The following PIGU variants were observed in gnomAD, a reference collection of about 807,000 sequenced individuals.
PIGU encodes GPI-anchor transamidase component PIGU.
A neutral mutation model predicts 49.9 loss-of-function variants in PIGU; 24 were observed. That is an observed-to-expected ratio of 0.48 (90% CI 0.35 to 0.68). The LOEUF (loss-of-function observed/expected upper bound fraction) is 0.68, where lower values mean the gene tolerates loss of function less well. PIGU is among the 30% of genes least tolerant of loss of function. The pLI is 0.01. For synonymous variants in PIGU, 220 were observed against 205.7 expected (o/e 1.07, Z -0.59); for missense variants, 490 against 532.6 (o/e 0.92, Z 0.79).
intron 10 of PIGU, chr20:34,579,134 A>G (rs1271783324): frequency 6.6e-6 from 1 of 152,226 alleles, no homozygotes; most frequent in African/African-American, 2.4e-5. Flanking sequence ...AATATATTTT[A>G]TCATGATTCT....
At chr20:34,640,669 G>A (rs1449829008) in intron 4 of PIGU, among the ~76,000 whole-genome samples, 2 of 152,330 alleles carry the variant, frequency 1.3e-5, no homozygotes, top group East Asian at 1.9e-4. Context: ...TAAAAGTGAT[G>A]TGAAGGGTAG....
At chr20:34,626,102 CTAAAG>C (rs1001137303) in intron 6 of PIGU, among the ~76,000 whole-genome samples, 33 of 151,902 alleles carry the variant, frequency 2.2e-4, no homozygotes, top group African/African-American at 4.6e-4. Context: ...CCACTCCTCT[CTAAAG>C]TATTTTCTAA....
At chr20:34,616,388 TAA>T (rs985193313) in intron 6 of PIGU, among the ~76,000 whole-genome samples, 34 of 152,184 alleles carry the variant, frequency 2.2e-4, no homozygotes, top group African/African-American at 7.5e-4. Context: ...ATAATTCTTA[TAA>T]AATTTTGAGA....
chr20:34,567,003 C>A (rs192898608), intron 11 of PIGU, among the ~76,000 whole-genome samples: 2 of 152,342 alleles, frequency 1.3e-5, no homozygotes, highest in Admixed American at 1.3e-4. Flanking sequence ...TTGTCCACCA[C>A]CAGGGCTGCA....
At chr20:34,660,961 A>G (rs893698107) in intron 1 of PIGU, among the ~76,000 whole-genome samples, 3 of 152,218 alleles carry the variant, frequency 2.0e-5, no homozygotes, top group Non-Finnish European at 4.4e-5. Flanking sequence ...GAATGTTAAC[A>G]TTAGAAAAAG....
At chr20:34,648,934 C>A (rs998179785) in intron 2 of PIGU, among the ~76,000 whole-genome samples, 3 of 152,170 alleles carry the variant, frequency 2.0e-5, no homozygotes, top group Non-Finnish European at 2.9e-5. Flanking sequence ...GTGGCGCGAT[C>A]TCAGCTCACT....
At chr20:34,616,946 C>T (rs888260389) in intron 6 of PIGU, among the ~76,000 whole-genome samples, 1 of 152,168 alleles carries the variant, frequency 6.6e-6, no homozygotes, top group Non-Finnish European at 1.5e-5. Context: ...CTCGTCTCTA[C>T]TAAAAATACA....
intron 11 of PIGU, among the ~76,000 whole-genome samples, chr20:34,570,986 T>C (rs1031867787): frequency 1.3e-5 from 2 of 152,232 alleles, no homozygotes; most frequent in African/African-American, 4.8e-5. Context: ...GTTTCCCATG[T>C]CAACACACAT....
intron 2 of PIGU, among the ~76,000 whole-genome samples, chr20:34,649,523 AT>A (rs113251878): frequency 0.017 from 2,323 of 135,954 alleles, 15 homozygotes; most frequent in Non-Finnish European, 0.023. Flanking sequence ...TCATCTATAC[AT>A]TTTTTTTTTT....
In PIGU at chr20:34,577,329, T is replaced by C. The variant is rs542468200; in HGVS notation, c.1052-2083A>G. ...AACTCCCAAACATTTAGGCCATTTA[T>C]ATTAGTTGTACAACTTAGTAGAGAT... On this transcript the variant is annotated intron_variant, in intron 10 of 11. Transcript: ENST00000217446. 5.3e-5 allele frequency among the ~76,000 whole-genome samples: 8 copies of C among 152,308 alleles called. No homozygotes were observed. In the South Asian group the frequency reaches 8.3e-4, roughly 16 times the overall value.
chr20:34,569,209 GA>G (rs974724062), intron 11 of PIGU, among the ~76,000 whole-genome samples: 7 of 149,328 alleles, frequency 4.7e-5, no homozygotes, highest in East Asian at 2.0e-4. Context: ...GTCTCAAAAA[GA>G]AAAAAAAATG....
At chr20:34,608,118 A>C (rs1984685040) in intron 7 of PIGU, among the ~76,000 whole-genome samples, 1 of 139,504 alleles carries the variant, frequency 7.2e-6, no homozygotes, top group African/African-American at 2.7e-5. Context: ...ACTGTGGCCC[A>C]GGCTGGAGTG....
intron 6 of PIGU, among the ~76,000 whole-genome samples, chr20:34,629,688 G>C (rs1411469970): frequency 6.6e-6 from 1 of 152,178 alleles, no homozygotes; most frequent in Non-Finnish European, 1.5e-5. Flanking sequence ...TGTGGTACTA[G>C]CTAATTGATA....
At chr20:34,624,548 GCAAA>G (rs1269231789) in intron 6 of PIGU, among the ~76,000 whole-genome samples, 1 of 152,324 alleles carries the variant, frequency 6.6e-6, no homozygotes, top group East Asian at 1.9e-4. Flanking sequence ...CCCTTAGGTG[GCAAA>G]CTTCAAGAAT....
At position 34,585,685 on chromosome 20, in the gene PIGU, G is replaced by A; in HGVS notation, c.783-105C>T. ...CTTTGGTCACTGCTGGGCAGCCAAG[G>A]ACGACTTTCTCCCTAGAGAGATCAG... On this transcript the variant is annotated intron_variant, in intron 8 of 11. Transcript: ENST00000217446. 5.3e-6 allele frequency: 7 copies of A among 1,312,582 alleles called. No individual in the cohort carries two copies. In the Admixed American group the frequency reaches 1.0e-4, roughly 20 times the overall value. 81.3% of individuals were successfully genotyped at this position (1,312,582 alleles called of 1,614,324 possible). A position where few individuals can be genotyped will look rare whatever the true frequency, so the allele number is the denominator to read the frequency against.
chr20:34,640,495 A>ACG (rs5841175), intron 4 of PIGU, among the ~76,000 whole-genome samples: 12 of 119,288 alleles, frequency 1.0e-4, no homozygotes, highest in African/African-American at 2.6e-4. Flanking sequence ...ACATGTGCGC[A>ACG]CGCGCACACA....
chr20:34,605,426 T>C (rs965178812), intron 7 of PIGU, among the ~76,000 whole-genome samples: 2 of 152,240 alleles, frequency 1.3e-5, no homozygotes, highest in African/African-American at 2.4e-5. Context: ...AACTAACTTT[T>C]ACAGTTCCTT....
chr20:34,612,168 T>G (rs1036143061), intron 7 of PIGU, among the ~76,000 whole-genome samples: 10 of 152,186 alleles, frequency 6.6e-5, no homozygotes, highest in Non-Finnish European at 1.3e-4. Context: ...CATGGAATAC[T>G]ATGCAGCCAT....
At position 34,634,690 on chromosome 20, in the gene PIGU, A is replaced by C. The variant is rs1300370521; in HGVS notation, c.454T>G (p.Leu152Val). The C allele has an allele frequency of 6.2e-7, 1 of 1,612,760 alleles. No individual in the cohort carries two copies. The highest frequency in any genetic ancestry group is 1.1e-5 in the South Asian group (1 of 91,068). The change falls in exon 6 of 12, where the codon TTG (leucine) becomes GTG (valine). Residue 152 changes from leucine (L) to valine (V), a missense_variant. Coordinates refer to ENST00000217446, the MANE Select transcript of PIGU (RefSeq NM_080476.5). ...LFYLLNPYTI[L>V]SCVAKSTCAI... ...CAGGTAGACTTGGCAACACAAGACAAAATCGTGTAAGGATTTAAGAGATAG... is the reference window on the plus strand; with the variant it reads ...CAGGTAGACTTGGCAACACAAGACACAATCGTGTAAGGATTTAAGAGATAG...
Sources: gnomAD v4.1 joint callset for allele counts (sites outside exome capture counted in the v4.1 genomes callset) on GRCh38, gnomAD v4.1.1 for gene constraint, MANE v1.5 for transcripts, NCBI Gene and HGNC (gene_info 2026-07-23, HGNC 2026-07-21) for gene names.